The following KCNH1 variants were observed in gnomAD, a reference collection of about 807,000 sequenced individuals.
KCNH1 encodes voltage-gated delayed rectifier potassium channel KCNH1.
KCNH1 carries 27 observed loss-of-function variants against 69.2 expected under a neutral mutation model. The observed-to-expected ratio is 0.39, with a 90% confidence interval of 0.29 to 0.54. The LOEUF (loss-of-function observed/expected upper bound fraction) is 0.54. Among genes scored for constraint, KCNH1 ranks in the 20% least tolerant of loss-of-function variants. KCNH1 has a pLI of 0.68. For missense variants in KCNH1, 798 were observed against 1,261.6 expected (o/e 0.63, Z 5.57); for synonymous variants, 456 against 487.7 (o/e 0.93, Z 0.86).
chr1:210,861,865 T>C lies in KCNH1; in HGVS notation c.1463-57699A>G, dbSNP rs892449335. 4 of 762,874 alleles carry C rather than the reference T, an allele frequency of 5.2e-6. No homozygotes were observed. The African/African-American group carries it at 6.8e-5, about 13-fold the overall frequency. The allele number at this position is 762,874 out of a possible 1,614,324, so 47.3% of individuals were successfully genotyped here. ...AATAATTCCTATCCAACAAGCACTG[T>C]TATCACACTGAAGATAAAAGCCAGT... On this transcript the variant is annotated intron_variant, in intron 7 of 10. Coordinates refer to ENST00000271751, the MANE Select transcript of KCNH1 (RefSeq NM_172362.3).
chr1:211,003,033 T>TTTTG (rs61680039), intron 6 of KCNH1, among the ~76,000 whole-genome samples: 24,950 of 151,178 alleles, frequency 0.17, 2,348 homozygotes, highest in East Asian at 0.35. Context: ...TAAGAATGTT[T>TTTTG]TTTGTTTGTT....
intron 6 of KCNH1, among the ~76,000 whole-genome samples, chr1:210,960,011 C>G (rs1688263216): frequency 1.3e-5 from 2 of 152,258 alleles, no homozygotes; most frequent in Admixed American, 1.3e-4. Flanking sequence ...GAACTGCAGA[C>G]TGGAGCTGTT....
chr1:210,788,659 T>C (rs1049840457), intron 9 of KCNH1, among the ~76,000 whole-genome samples: 1 of 151,028 alleles, frequency 6.6e-6, no homozygotes, highest in Admixed American at 6.6e-5. Context: ...TCTGAAATTC[T>C]AGATTATTCA....
At position 211,083,095 on chromosome 1, in the gene KCNH1, C is replaced by T. The variant is rs80006958; in HGVS notation, c.440-197G>A. The stretch of plus-strand genomic sequence containing the variant: ...TGTGTCGCAACTTGCTTTTCCCCTG[C>T]ACTTTCACTTCATCCTAATCGTAGT... On this transcript the variant is annotated intron_variant, in intron 4 of 10. Transcript: ENST00000271751. Among the ~76,000 whole-genome samples the T allele has an allele frequency of 7.1e-3, 1,080 of 152,376 alleles. 13 individuals are homozygous for T. The highest frequency in any genetic ancestry group is 0.025 in the African/African-American group (1,024 of 41,590).
At chr1:210,892,608 T>C (rs1686773434) in intron 7 of KCNH1, among the ~76,000 whole-genome samples, 3 of 152,074 alleles carry the variant, frequency 2.0e-5, no homozygotes, top group African/African-American at 4.8e-5. Context: ...CAAAAAGTAA[T>C]ACAGGTTGAA....
rs758622340 is a variant in KCNH1, at chr1:210,683,855, G to C, written c.2396C>G (p.Ser799Cys). ...CCCGGAGGTGGAGGCTGCCTGGAAG[G>C]ATACGGGCGTGGCAGGACTCTCACG... is the stretch of plus-strand genomic sequence containing the variant. Reference protein sequence around the residue: ...TVRESPATPVSFQAASTSGVP... With the variant: ...TVRESPATPVCFQAASTSGVP... Residue 799 changes from serine (S) to cysteine (C), a missense_variant, in exon 11 of 11, where the codon TCC becomes TGC. This residue lies in a region of KCNH1 where 331 missense variants were observed against 363.2 expected (regional missense o/e 0.91). Coordinates refer to ENST00000271751, the MANE Select transcript of KCNH1 (RefSeq NM_172362.3). The surrounding 1 kb of genome is among the most constrained non-coding windows in gnomAD (Gnocchi z 5.7). The C allele has an allele frequency of 1.2e-6, 2 of 1,614,020 alleles. No individual in the cohort carries two copies. The highest frequency in any genetic ancestry group is 2.7e-5 in the African/African-American group (2 of 74,948).
chr1:210,720,467 A>G (rs577426638), intron 10 of KCNH1, among the ~76,000 whole-genome samples: 31 of 152,344 alleles, frequency 2.0e-4, no homozygotes, highest in Admixed American at 5.2e-4. Flanking sequence ...AAGCAGTAAA[A>G]AAGGTAAAGT....
chr1:210,798,278 A>G (rs1206173517), intron 8 of KCNH1, among the ~76,000 whole-genome samples: 1 of 152,046 alleles, frequency 6.6e-6, no homozygotes, highest in Non-Finnish European at 1.5e-5. Flanking sequence ...TGACCTCGTG[A>G]TCCGCCCGCC....
chr1:211,056,530 G>A (rs571066391), intron 5 of KCNH1, among the ~76,000 whole-genome samples: 1 of 152,306 alleles, frequency 6.6e-6, no homozygotes, highest in African/African-American at 2.4e-5. Flanking sequence ...AGAGCCCTTG[G>A]GCCTTGAGTG....
chr1:211,042,534 C>T (rs900296664), intron 5 of KCNH1, among the ~76,000 whole-genome samples: 8 of 152,142 alleles, frequency 5.3e-5, no homozygotes, highest in Non-Finnish European at 1.0e-4. Flanking sequence ...GACTTCAACA[C>T]TCCACTGACA....
chr1:210,710,102 T>G (rs1221050379), intron 10 of KCNH1, among the ~76,000 whole-genome samples: 2 of 152,250 alleles, frequency 1.3e-5, no homozygotes, highest in Non-Finnish European at 2.9e-5. Context: ...TGGTATATCC[T>G]GTTGCTCCTA....
chr1:210,803,902 A>G, intron 8 of KCNH1, 65 bp downstream of exon 8: 1 of 1,442,270 alleles, frequency 6.9e-7, no homozygotes, highest in Non-Finnish European at 9.6e-7. Flanking sequence ...TGTCTTAGGC[A>G]AGCCTCAACC....
intron 6 of KCNH1, among the ~76,000 whole-genome samples, chr1:210,955,268 C>T (rs1475368698): frequency 6.6e-6 from 1 of 152,062 alleles, no homozygotes; most frequent in Non-Finnish European, 1.5e-5. Flanking sequence ...TGTATATCTG[C>T]TTTGGTACCA....
chr1:210,939,313 A>C (rs1687837835), intron 6 of KCNH1, among the ~76,000 whole-genome samples: 1 of 152,168 alleles, frequency 6.6e-6, no homozygotes. Flanking sequence ...AAGATGAAAA[A>C]TTTGGCAAGA....
chr1:210,884,326 T>C (rs1036490437), intron 7 of KCNH1, among the ~76,000 whole-genome samples: 2 of 152,180 alleles, frequency 1.3e-5, no homozygotes, highest in African/African-American at 4.8e-5. Context: ...GAGGATCCTC[T>C]CTTTCCTACA....
intron 3 of KCNH1, among the ~76,000 whole-genome samples, chr1:211,097,136 T>C (rs1224479266): frequency 6.6e-6 from 1 of 152,120 alleles, no homozygotes; most frequent in Non-Finnish European, 1.5e-5. Context: ...CCTTAGCATA[T>C]AAAGAAAAGG....
At chr1:210,932,807 A>G (rs919535422) in intron 6 of KCNH1, among the ~76,000 whole-genome samples, 1 of 152,218 alleles carries the variant, frequency 6.6e-6, no homozygotes, top group Non-Finnish European at 1.5e-5. Flanking sequence ...GCAAGACAAT[A>G]TAATAACTGT....
intron 6 of KCNH1, among the ~76,000 whole-genome samples, chr1:210,990,099 G>A (rs999981252): frequency 2.6e-5 from 4 of 152,150 alleles, no homozygotes; most frequent in Non-Finnish European, 5.9e-5. Context: ...TAAGCATGAT[G>A]GATTACATTC....
At position 211,029,166 on chromosome 1, in the gene KCNH1, C is replaced by CAAA. The variant is rs34291308; in HGVS notation, c.559-9913_559-9911dup. ...GCAACATAGAGAGACCCCATCTCTA[C>CAAA]AAAAAAAAAAAAAAAAAAAGGTCAG... On this transcript the variant is annotated intron_variant, in intron 5 of 10. Coordinates refer to ENST00000271751, the MANE Select transcript of KCNH1 (RefSeq NM_172362.3). Among the ~76,000 whole-genome samples, 209 of 52,708 alleles carry CAAA rather than the reference C, an allele frequency of 4.0e-3. 5 individuals carry two copies. The highest frequency in any genetic ancestry group is 0.019 in the Middle Eastern group (1 of 52). The allele number at this position is 52,708 out of a possible 152,430, so 34.6% of individuals were successfully genotyped here.
Sources: allele counts gnomAD v4.1 joint callset (sites outside exome capture counted in the v4.1 genomes callset), GRCh38; gene constraint gnomAD v4.1.1; regional missense constraint gnomAD v4.1.1; non-coding constraint Gnocchi (gnomAD v3.1); transcripts MANE v1.5; gene names NCBI Gene and HGNC (gene_info 2026-07-23, HGNC 2026-07-21).